LIPI: variants seen among roughly 807,000 people sequenced by gnomAD.
The protein encoded by LIPI is lipase I, also known as lipase member I.
LIPI carries 59 observed loss-of-function variants against 50.6 expected under a neutral mutation model. The ratio of observed to expected loss-of-function variants is 1.16; its 90% CI spans 0.94 to 1.45. LIPI has a LOEUF of 1.45. Among genes scored for constraint, LIPI ranks in the 40% most tolerant of loss-of-function variants. The pLI is 0.00. For synonymous variants in LIPI, 203 were observed against 178.2 expected, an observed-to-expected ratio of 1.14 and a Z score of -1.11; for missense variants, 586 against 536.3, an observed-to-expected ratio of 1.09 and a Z score of -0.92.
At chr21:14,110,283 C>T (rs2016350078) in intron 9 of LIPI, among the ~76,000 whole-genome samples, 4 of 151,694 alleles carry the variant, frequency 2.6e-5, no homozygotes, top group African/African-American at 9.7e-5. Context: ...CACATCTGTC[C>T]ATTTAATATT....
At chr21:14,128,206 T>G (rs1398876273) in intron 9 of LIPI, among the ~76,000 whole-genome samples, 10 of 152,174 alleles carry the variant, frequency 6.6e-5, no homozygotes, top group African/African-American at 1.2e-4. Context: ...TGAGTAAATA[T>G]AACAAAATAT....
At chr21:14,119,896 C>A (rs746754403) in intron 9 of LIPI, among the ~76,000 whole-genome samples, 5 of 152,152 alleles carry the variant, frequency 3.3e-5, no homozygotes, top group Admixed American at 6.6e-5. Flanking sequence ...TGGACAGAAG[C>A]TGATAATTCA....
At chr21:14,194,944 TG>T (rs1052018941) in intron 1 of LIPI, among the ~76,000 whole-genome samples, 3 of 152,180 alleles carry the variant, frequency 2.0e-5, no homozygotes, top group Non-Finnish European at 4.4e-5. Context: ...ATAAACTATA[TG>T]GGAAAAAAAT....
At chr21:14,170,232 A>G (rs2018845024) in intron 4 of LIPI, among the ~76,000 whole-genome samples, 1 of 152,212 alleles carries the variant, frequency 6.6e-6, no homozygotes, top group Non-Finnish European at 1.5e-5. Context: ...ATAGCTTACC[A>G]ACCAAAAAGA....
chr21:14,128,140 T>C (rs1426380088), intron 9 of LIPI, among the ~76,000 whole-genome samples: 3 of 152,150 alleles, frequency 2.0e-5, no homozygotes, highest in Admixed American at 1.3e-4. Context: ...ACACAGACAC[T>C]GTGTCATATA....
In LIPI at chr21:14,118,997, A is replaced by G. The variant is rs532582019; in HGVS notation, c.1296-9917T>C. Among the ~76,000 whole-genome samples the G allele has an allele frequency of 2.0e-5, 3 of 152,296 alleles. No individual in the cohort carries two copies. The East Asian group carries it at 5.8e-4, about 29-fold the overall frequency. ...CGAGGTGGTGGCTACACTGCATGCT[A>G]TTGTGCCTAACCTGTACGCTATGCT... On this transcript the variant is annotated intron_variant, in intron 9 of 9. Coordinates refer to ENST00000681601, the MANE Select transcript of LIPI (RefSeq NM_001302998.2).
intron 4 of LIPI, among the ~76,000 whole-genome samples, chr21:14,167,762 G>A (rs1296895800): frequency 6.6e-6 from 1 of 152,060 alleles, no homozygotes; most frequent in African/African-American, 2.4e-5. Context: ...ACAAAAATGG[G>A]GAAAAAACAG....
chr21:14,205,566 C>G (rs1201967866), intron 1 of LIPI, among the ~76,000 whole-genome samples: 5 of 151,480 alleles, frequency 3.3e-5, no homozygotes, highest in Non-Finnish European at 7.4e-5. Context: ...ACACACACAT[C>G]TTTATTGGGT....
chr21:14,168,573 G>A (rs2018777474), intron 4 of LIPI, among the ~76,000 whole-genome samples: 1 of 152,182 alleles, frequency 6.6e-6, no homozygotes, highest in Admixed American at 6.5e-5. Flanking sequence ...CATTCTGAAA[G>A]GAAAGAATTG....
chr21:14,117,362 A>G (rs116337283), intron 9 of LIPI, among the ~76,000 whole-genome samples: 3,433 of 152,310 alleles, frequency 0.023, 129 homozygotes, highest in African/African-American at 0.077. Flanking sequence ...TCACTGTTCA[A>G]TACAGAAGAA....
At chr21:14,118,624 T>G (rs763568098) in intron 9 of LIPI, among the ~76,000 whole-genome samples, 7 of 152,162 alleles carry the variant, frequency 4.6e-5, no homozygotes, top group Non-Finnish European at 1.5e-5. Context: ...GGAGACTTCA[T>G]GAAAGTAGTT....
intron 9 of LIPI, among the ~76,000 whole-genome samples, chr21:14,141,696 C>G (rs2017715495): frequency 6.6e-6 from 1 of 152,160 alleles, no homozygotes. Flanking sequence ...GCTGCCCTGG[C>G]ATTTGCCCAT....
At position 14,114,268 on chromosome 21, in the gene LIPI, A is replaced by C. The variant is rs148219205; in HGVS notation, c.1296-5188T>G. On this transcript the variant is annotated intron_variant, in intron 9 of 9. Transcript: ENST00000681601. ...ACCACAATGAATCAATTATTCAATTATCTCCACCAGGTCCCTCTCATGACA... is the reference window on the plus strand; with the variant it reads ...ACCACAATGAATCAATTATTCAATTCTCTCCACCAGGTCCCTCTCATGACA... Among the ~76,000 whole-genome samples the C allele has an allele frequency of 4.6e-3, 702 of 152,218 alleles. 5 individuals carry two copies. The highest frequency in any genetic ancestry group is 0.016 in the African/African-American group (665 of 41,542).
Position 14,189,060 on chromosome 21 carries a change from A to G in LIPI, c.406T>C (p.Leu136=), listed in dbSNP as rs2019554821. 1 of 1,607,814 alleles carries G rather than the reference A, an allele frequency of 6.2e-7. No individual in the cohort carries two copies. Among genetic ancestry groups the G allele is most frequent in the Non-Finnish European group, 8.5e-7 (1 of 1,179,930 alleles). Residue 136 remains leucine (L), a synonymous_variant, in exon 2 of 10, where the codon TTG becomes CTG. Coordinates refer to ENST00000681601, the MANE Select transcript of LIPI (RefSeq NM_001302998.2). ...AAAAGATTTTTAATGTGCACACTCA[A>G]ACTCACAGCAACTTTTCTGGTGTTT... The part of the protein sequence containing the change: ...VKNTRKVAVS[L]SVHIKNLLKH...
chr21:14,166,095 G>A (rs190612204), intron 5 of LIPI, among the ~76,000 whole-genome samples: 9 of 152,144 alleles, frequency 5.9e-5, no homozygotes, highest in Admixed American at 2.0e-4. Flanking sequence ...AATGACTTAC[G>A]ACTTCTCCTA....
At chr21:14,119,297 A>C (rs2016775103) in intron 9 of LIPI, among the ~76,000 whole-genome samples, 1 of 152,224 alleles carries the variant, frequency 6.6e-6, no homozygotes, top group Non-Finnish European at 1.5e-5. Context: ...CCCACCAGAA[A>C]GGAATGTATG....
chr21:14,117,104 A>G (rs886558088), intron 9 of LIPI, among the ~76,000 whole-genome samples: 1 of 152,224 alleles, frequency 6.6e-6, no homozygotes, highest in South Asian at 2.1e-4. Context: ...GTCCCTGGTC[A>G]GGACACACCC....
chr21:14,179,729 T>C (rs1259743363), intron 4 of LIPI, among the ~76,000 whole-genome samples: 1 of 152,236 alleles, frequency 6.6e-6, no homozygotes. Flanking sequence ...CCCTTAATCC[T>C]GTTATCTTCA....
At chr21:14,112,363 T>C (rs2016450221) in intron 9 of LIPI, among the ~76,000 whole-genome samples, 1 of 152,122 alleles carries the variant, frequency 6.6e-6, no homozygotes, top group African/African-American at 2.4e-5. Flanking sequence ...TTTTTTCTAT[T>C]TCAATGGAGA....
Sources: gnomAD v4.1 joint callset for allele counts (sites outside exome capture counted in the v4.1 genomes callset) on GRCh38, gnomAD v4.1.1 for gene constraint, MANE v1.5 for transcripts, NCBI Gene and HGNC (gene_info 2026-07-23, HGNC 2026-07-21) for gene names.